Variants in TPO observed in about 807,000 individuals in gnomAD.
TPO encodes the protein thyroid peroxidase, also known as thyroid microsomal antigen.
Under a neutral mutation model 96.9 loss-of-function variants are expected in TPO, and 78 were observed. The ratio of observed to expected loss-of-function variants is 0.81; its 90% CI spans 0.67 to 0.97. The LOEUF is 0.97. Ranked by LOEUF, TPO falls within the 50% of genes least tolerant of loss-of-function variation. The pLI is 0.00. For synonymous variants in TPO, 547 were observed against 538.0 expected (o/e 1.02, Z -0.23); for missense variants, 1,252 against 1,274.8 (o/e 0.98, Z 0.27).
rs141657309 is a variant in TPO at position 1,424,751 on chromosome 2, G to A, written c.179+1622G>A. 2.7e-3 allele frequency among the ~76,000 whole-genome samples: 407 copies of A among 152,266 alleles called. 3 individuals carry two copies. The highest frequency in any genetic ancestry group is 9.2e-3 in the African/African-American group (384 of 41,552). ...TGGAACAGTCATTGTTCTAGATGCCGGGATACAGAGATGAGTTCGATCATT... is the reference window on the plus strand; with the variant it reads ...TGGAACAGTCATTGTTCTAGATGCCAGGATACAGAGATGAGTTCGATCATT... On this transcript the variant is annotated intron_variant, in intron 3 of 16. Transcript: ENST00000329066.
At chr2:1,386,645 T>C (rs2148351328) in intron 1 of TPO, among the ~76,000 whole-genome samples, 1 of 152,336 alleles carries the variant, frequency 6.6e-6, no homozygotes, top group Non-Finnish European at 1.5e-5. Flanking sequence ...AGCACACTGA[T>C]GGGTCTTGAC....
At chr2:1,409,998 C>T (rs944191080), upstream of TPO, among the ~76,000 whole-genome samples, 76 of 150,744 alleles carry the variant, frequency 5.0e-4, no homozygotes, top group Non-Finnish European at 8.1e-4. Context: ...GGACAGGTGC[C>T]GTGAGGGGCA....
At chr2:1,484,471 A>G in intron 8 of TPO, 125 bp from the exon 9 acceptor site, 1 of 1,250,174 alleles carries the variant, frequency 8.0e-7, no homozygotes. Context: ...TGAGGCCCTT[A>G]TTACAAGACG....
At position 1,493,706 on chromosome 2, in the gene TPO, C is replaced by T. The variant is rs1672035016; in HGVS notation, c.1769-96C>T. ...CAGGGTGGGACAGGACTCTGCCCTG[C>T]TGCGCTTCCAGTCTCGGGGACCATG... On this transcript the variant is annotated intron_variant, in intron 10 of 16. Transcript: ENST00000329066. 7.6e-6 allele frequency: 11 copies of T among 1,439,728 alleles called. No individual in the cohort carries two copies. The East Asian group carries it at 1.8e-4, about 24-fold the overall frequency. The allele number at this position is 1,439,728 out of a possible 1,614,324, so 89.2% of individuals were successfully genotyped here. A position where few individuals can be genotyped will look rare whatever the true frequency, so the allele number is the denominator to read the frequency against.
rs570855709 is a variant in TPO, at chr2:1,539,750, G to T, written c.2619-844G>T. On this transcript the variant is annotated intron_variant, in intron 15 of 16. Transcript: ENST00000329066. ...TCACGGGAAGCCACCTCCAGGGCCT[G>T]TGGTCCTCTTCAGGCAGGCGGGGCG... is the stretch of plus-strand genomic sequence containing the variant. Among the ~76,000 whole-genome samples the T allele has an allele frequency of 2.6e-5, 4 of 152,148 alleles. No individual in the cohort carries two copies. In the South Asian group the frequency reaches 8.3e-4, roughly 32 times the overall value.
intron 10 of TPO, 45 bp downstream of exon 10, chr2:1,488,036 G>C: frequency 1.2e-6 from 2 of 1,610,078 alleles, no homozygotes; most frequent in Non-Finnish European, 1.7e-6. Context: ...GCTGCTGCGG[G>C]ATTTGCCGAG....
chr2:1,540,129 G>A (rs951064317), intron 15 of TPO, among the ~76,000 whole-genome samples: 3 of 152,068 alleles, frequency 2.0e-5, no homozygotes, highest in Non-Finnish European at 4.4e-5. Flanking sequence ...CCTCTGGGAC[G>A]GCGCTTCCTC....
upstream of TPO, among the ~76,000 whole-genome samples, chr2:1,408,515 G>A (rs1297918383): frequency 3.3e-5 from 5 of 152,128 alleles, no homozygotes; most frequent in African/African-American, 4.8e-5. Flanking sequence ...ATTAGAGTAC[G>A]GAGTTTTACA....
rs778914648 is a variant in TPO, at chr2:1,414,484, G to A, written c.76G>A (p.Gly26Arg). 2.7e-5 allele frequency: 44 copies of A among 1,613,862 alleles called. No homozygotes were observed. The highest frequency in any genetic ancestry group is 1.6e-4 in the Middle Eastern group (1 of 6,084). ...AGCCTTCTTCCCCTTCATCTCGAGAGGGAAAGAACTCCTTTGGGGTAAGTA... is the reference window on the plus strand; with the variant it reads ...AGCCTTCTTCCCCTTCATCTCGAGAAGGAAAGAACTCCTTTGGGGTAAGTA... ...TEAFFPFISR[G>R]KELLWGKPEE... is the part of the protein sequence containing the mutation. Residue 26 changes from glycine (G) to arginine (R), a missense_variant, in exon 2 of 17, where the codon GGG (glycine) becomes AGG (arginine). Physicochemically the swap from Gly to Arg is moderately radical, Grantham distance 125. Coordinates refer to ENST00000329066, the MANE Select transcript of TPO (RefSeq NM_001206744.2).
At chr2:1,488,467 GC>G (rs936610195) in intron 10 of TPO, among the ~76,000 whole-genome samples, 3 of 152,184 alleles carry the variant, frequency 2.0e-5, no homozygotes, top group East Asian at 3.9e-4. Context: ...CAGGCCAGCA[GC>G]CCCCTGTGCT....
chr2:1,458,972 C>A (rs1325011278), intron 7 of TPO, among the ~76,000 whole-genome samples: 2 of 152,038 alleles, frequency 1.3e-5, no homozygotes, highest in East Asian at 1.9e-4. Flanking sequence ...CCTGATAGAT[C>A]CAGGGGTAAG....
intron 15 of TPO, among the ~76,000 whole-genome samples, chr2:1,539,542 T>G (rs556696648): frequency 6.6e-6 from 1 of 152,106 alleles, no homozygotes; most frequent in Non-Finnish European, 1.5e-5. Context: ...CTGTCTTCCA[T>G]GTACACCTAG....
intron 1 of TPO, among the ~76,000 whole-genome samples, chr2:1,385,194 G>C (rs951204183): frequency 6.6e-6 from 1 of 152,150 alleles, no homozygotes; most frequent in African/African-American, 2.4e-5. Flanking sequence ...TCTCTGCCAG[G>C]CTTTGGTATC....
At chr2:1,526,863 A>G (rs1676647979) in intron 15 of TPO, among the ~76,000 whole-genome samples, 1 of 114,682 alleles carries the variant, frequency 8.7e-6, no homozygotes, top group Non-Finnish European at 1.7e-5. Context: ...ACCTCCCCAA[A>G]TCCCCTGCTT....
chr2:1,531,934 T>C (rs1327672804), intron 15 of TPO, among the ~76,000 whole-genome samples: 3 of 45,904 alleles, frequency 6.5e-5, no homozygotes, highest in African/African-American at 1.7e-4. Context: ...GTGTGCAACC[T>C]CCTCAAATCC....
chr2:1,436,274 G>A lies in TPO; in HGVS notation c.372G>A (p.Leu124=). ...CAGATGCTTTATCAGAAGATCTGCT[G>A]AGCATCATTGCAAACATGTCTGGAT... The part of the protein sequence containing the change: ...HPTDALSEDL[L]SIIANMSGCL... Residue 124 remains leucine (L), a synonymous_variant, in exon 5 of 17, where the codon CTG becomes CTA. Coordinates refer to ENST00000329066, the MANE Select transcript of TPO (RefSeq NM_001206744.2). 1 of 1,614,220 alleles carries A rather than the reference G, an allele frequency of 6.2e-7. No individual in the cohort carries two copies. The highest frequency in any genetic ancestry group is 8.5e-7 in the Non-Finnish European group (1 of 1,180,050).
chr2:1,480,849 A>ACCTCCCTCCTCCTTCATCCG (rs1491437363), intron 8 of TPO, among the ~76,000 whole-genome samples: 1 of 151,288 alleles, frequency 6.6e-6, no homozygotes, highest in Non-Finnish European at 1.5e-5. Context: ...TGTCCTCACC[A>ACCTCCCTCCTCCTTCATCCG]TACCCACTCT....
intron 3 of TPO, among the ~76,000 whole-genome samples, chr2:1,423,769 C>A (rs768600434): frequency 3.3e-5 from 5 of 152,174 alleles, no homozygotes; most frequent in Non-Finnish European, 7.3e-5. Context: ...TTCCAAATTT[C>A]TATTATTCCA....
chr2:1,417,051 C>T (rs1467072218), intron 2 of TPO, among the ~76,000 whole-genome samples: 3 of 152,256 alleles, frequency 2.0e-5, no homozygotes, highest in Non-Finnish European at 4.4e-5. Flanking sequence ...GTCTCAGAAG[C>T]AGCAAGGCTG....
Sources: gnomAD v4.1 joint callset for allele counts (sites outside exome capture counted in the v4.1 genomes callset) on GRCh38, gnomAD v4.1.1 for gene constraint, MANE v1.5 for transcripts, NCBI Gene and HGNC (gene_info 2026-07-23, HGNC 2026-07-21) for gene names.